Variants in LAMB4 observed in about 807,000 individuals in gnomAD.
LAMB4 encodes the protein laminin subunit beta 4, also known as laminin subunit beta-4.
A neutral mutation model predicts 199.2 loss-of-function variants in LAMB4; 196 were observed. The observed-to-expected ratio is 0.98, with a 90% CI of 0.88 to 1.11. The LOEUF is 1.11. Ranked by LOEUF, LAMB4 falls within the 50% of genes least tolerant of loss-of-function variation. The probability of loss-of-function intolerance (pLI) is 0.00; values close to 1 mark genes in which losing one functional copy is unlikely to be tolerated. For synonymous variants in LAMB4, 744 were observed against 770.6 expected (o/e 0.97, Z 0.57); for missense variants, 2,080 against 2,171.2 (o/e 0.96, Z 0.83).
intron 33 of LAMB4, among the ~76,000 whole-genome samples, chr7:108,025,413 CTTTCTTCT>C (rs1452097673): frequency 1.5e-5 from 2 of 134,920 alleles, no homozygotes; most frequent in South Asian, 2.2e-4. Flanking sequence ...TTCTTTCTTT[CTTTCTTCT>C]TTCTTTCTTT....
intron 9 of LAMB4, among the ~76,000 whole-genome samples, chr7:108,103,725 G>A (rs1192651580): frequency 2.0e-5 from 3 of 152,230 alleles, no homozygotes; most frequent in Non-Finnish European, 4.4e-5. Context: ...GGCTAGGCCA[G>A]TGGCCTGGAG....
Position 108,066,416 on chromosome 7 carries a change from C to T in LAMB4, c.2631G>A (p.Gly877=), listed in dbSNP as rs1165145327. ...RFAELCDPET[G]SCFNCGGFTT... is the part of the protein sequence containing the mutation. ...TAAAGCCTCCACAATTGAAGCATGA[C>T]CCTGTCTCAGGATCACAAAGTTCAG... Residue 877 remains glycine, a synonymous_variant, in exon 20 of 34, where the codon GGG becomes GGA. Transcript: ENST00000388781. The T allele has an allele frequency of 6.2e-6, 10 of 1,614,068 alleles. No homozygotes were observed. Among genetic ancestry groups the T allele is most frequent in the Non-Finnish European group, 8.5e-6 (10 of 1,180,016 alleles).
intron 28 of LAMB4, among the ~76,000 whole-genome samples, chr7:108,044,899 G>A (rs2035561364): frequency 1.4e-5 from 2 of 143,436 alleles, no homozygotes; most frequent in Non-Finnish European, 3.0e-5. Flanking sequence ...GTTGCAGTGA[G>A]CTGAGATCGC....
At chr7:108,015,582 C>G in the LAMB4 span, among the ~76,000 whole-genome samples, 1 of 152,156 alleles carries the variant, frequency 6.6e-6, no homozygotes, top group East Asian at 1.9e-4. Context: ...GTGTTTCCAA[C>G]CAAGTAGTTA....
At chr7:108,075,272 T>C (rs1397404923) in intron 17 of LAMB4, among the ~76,000 whole-genome samples, 1 of 152,238 alleles carries the variant, frequency 6.6e-6, no homozygotes, top group East Asian at 1.9e-4. Flanking sequence ...TACTATAATA[T>C]GGTAGAATCT....
intron 10 of LAMB4, 124 bp downstream of exon 10, chr7:108,102,920 C>T: frequency 2.8e-6 from 2 of 713,118 alleles, no homozygotes; most frequent in Non-Finnish European, 4.3e-6. Context: ...TTGCAATCCT[C>T]CACTCTCCAA....
chr7:108,103,415 T>G (rs1037415819), intron 9 of LAMB4, among the ~76,000 whole-genome samples, 183 bp from the exon 10 acceptor site: 8 of 152,228 alleles, frequency 5.3e-5, no homozygotes, highest in African/African-American at 1.9e-4. Context: ...GTTCTAACAC[T>G]CTGATTCTGC....
At position 108,055,859 on chromosome 7, in the gene LAMB4, G is replaced by A. The variant is rs773658435; in HGVS notation, c.3528C>T (p.His1176=). The A allele has an allele frequency of 9.3e-5, 150 of 1,614,036 alleles. 1 individual carries two copies. The Admixed American group carries it at 2.5e-3, about 27-fold the overall frequency. Residue 1176 remains histidine (H), a synonymous_variant, in exon 25 of 34, where the codon CAC becomes CAT. Transcript: ENST00000388781. ...SQEFPTCLQC[H]LCFDQWDHTI... ...TGTGGTCCCACTGATCAAAGCACAA[G>A]TGACATTGAAGACAAGTAGGGAATT... is the stretch of plus-strand genomic sequence containing the variant.
rs1366975166 is a variant in LAMB4, at chr7:108,116,048, C to A, written c.148G>T (p.Gly50Trp). 13 of 1,614,038 alleles carry A rather than the reference C, an allele frequency of 8.1e-6. No homozygotes were observed. The highest frequency in any genetic ancestry group is 1.1e-5 in the Non-Finnish European group (13 of 1,179,954). The change falls in exon 3 of 34, where the codon GGG (glycine) becomes TGG (tryptophan). Residue 50 changes from glycine (G) to tryptophan (W), a missense_variant. By Grantham distance (184) the Gly-to-Trp change is radical. Transcript: ENST00000388781. ...NTQLMASSTC[G>W]LSRAQKYCIL... Reference sequence around the variant, plus strand: ...CAGTATTTCTGGGCTCTGCTCAGCCCACAGGTAGAAGAAGCCATAAGCTGC... The same window carrying A: ...CAGTATTTCTGGGCTCTGCTCAGCCAACAGGTAGAAGAAGCCATAAGCTGC...
intron 33 of LAMB4, among the ~76,000 whole-genome samples, chr7:108,028,757 G>A (rs550663167): frequency 1.1e-4 from 16 of 152,258 alleles, no homozygotes; most frequent in Non-Finnish European, 1.9e-4. Context: ...GATTACAGGT[G>A]TGAGCCACTG....
chr7:108,053,900 T>C (rs1049228806), intron 25 of LAMB4, among the ~76,000 whole-genome samples: 1 of 152,210 alleles, frequency 6.6e-6, no homozygotes, highest in Non-Finnish European at 1.5e-5. Flanking sequence ...ACAAGTGCTA[T>C]TGGATTAGCT....
intron 23 of LAMB4, among the ~76,000 whole-genome samples, chr7:108,059,529 C>T (rs562102025): frequency 2.6e-4 from 39 of 152,256 alleles, no homozygotes; most frequent in East Asian, 9.6e-4. Flanking sequence ...CCTTTGGGCA[C>T]GTACTAGTCT....
At chr7:108,085,698 C>T (rs2037146176) in intron 14 of LAMB4, among the ~76,000 whole-genome samples, 1 of 152,120 alleles carries the variant, frequency 6.6e-6, no homozygotes, top group Admixed American at 6.6e-5. Flanking sequence ...ACTGCAAGCT[C>T]TGCCTCCCGG....
chr7:108,057,936 A>G lies in LAMB4; in HGVS notation c.3283-8T>C, dbSNP rs774042293. 6.2e-7 allele frequency: 1 copy of G among 1,600,190 alleles called. No homozygotes were observed. The highest frequency in any genetic ancestry group is 8.6e-7 in the Non-Finnish European group (1 of 1,167,296). On this transcript the variant is annotated splice_polypyrimidine_tract_variant and splice_region_variant and intron_variant, in intron 23 of 33. Transcript: ENST00000388781. ...CGGACACTGGCCTGTAAGCTGTGAG[A>G]ACAGTCATGGGTGAGGAATTGACAA...
At chr7:108,093,227 C>T (rs575064678) in intron 12 of LAMB4, among the ~76,000 whole-genome samples, 9 of 152,220 alleles carry the variant, frequency 5.9e-5, no homozygotes, top group Non-Finnish European at 1.2e-4. Flanking sequence ...CCACCACGCT[C>T]GGCTGATTTT....
intron 14 of LAMB4, among the ~76,000 whole-genome samples, chr7:108,084,329 G>A (rs1419888663): frequency 6.6e-6 from 1 of 152,190 alleles, no homozygotes; most frequent in Non-Finnish European, 1.5e-5. Context: ...TGAACTTAAT[G>A]TAAGAAGCAA....
At chr7:108,049,305 C>G (rs2035753158) in intron 27 of LAMB4, 21 bp downstream of exon 27, 1 of 1,340,340 alleles carries the variant, frequency 7.5e-7, no homozygotes, top group African/African-American at 1.5e-5. Flanking sequence ...ATGCTTTGAC[C>G]TTACCATCAT....
At chr7:108,015,878 G>A in the LAMB4 span, among the ~76,000 whole-genome samples, 2 of 150,706 alleles carry the variant, frequency 1.3e-5, no homozygotes, top group South Asian at 4.2e-4. Flanking sequence ...AGATTATACA[G>A]TTTTGTTCAA....
At chr7:108,025,286 TA>T (rs1388357753) in intron 33 of LAMB4, among the ~76,000 whole-genome samples, 2 of 152,138 alleles carry the variant, frequency 1.3e-5, no homozygotes, top group South Asian at 2.1e-4. Flanking sequence ...TGTCTAAATA[TA>T]AAAAACTCTC....
Sources: gnomAD v4.1 joint callset for allele counts (sites outside exome capture counted in the v4.1 genomes callset) on GRCh38, gnomAD v4.1.1 for gene constraint, MANE v1.5 for transcripts, NCBI Gene and HGNC (gene_info 2026-07-23, HGNC 2026-07-21) for gene names.